Variants in PLD5 observed in about 807,000 individuals in gnomAD.
PLD5 encodes inactive phospholipase D5.
PLD5 carries 36 observed loss-of-function variants against 61.1 expected under a neutral mutation model. The observed-to-expected ratio is 0.59, with a 90% CI of 0.45 to 0.78. The LOEUF is 0.78. Among genes scored for constraint, PLD5 ranks in the 30% least tolerant of loss-of-function variants. The pLI is 0.00. For synonymous variants in PLD5, 243 were observed against 242.8 expected (o/e 1.00, Z -0.01); for missense variants, 515 against 644.4 (o/e 0.80, Z 2.17).
At chr1:242,142,477 C>T (rs1664238849) in intron 5 of PLD5, among the ~76,000 whole-genome samples, 1 of 152,162 alleles carries the variant, frequency 6.6e-6, no homozygotes, top group African/African-American at 2.4e-5. Flanking sequence ...CGTACATATT[C>T]TACAACTGCC....
chr1:242,280,998 G>C (rs1215976764), intron 3 of PLD5, among the ~76,000 whole-genome samples: 1 of 152,230 alleles, frequency 6.6e-6, no homozygotes, highest in African/African-American at 2.4e-5. Flanking sequence ...AGTAGGCTTA[G>C]AGAGCCAGGG....
At chr1:242,529,783 C>CTTCCTTCCTTCCTTCT in the PLD5 span, among the ~76,000 whole-genome samples, 7 of 73,478 alleles carry the variant, frequency 9.5e-5, no homozygotes, top group South Asian at 7.4e-4. Context: ...TGGGATCTTC[C>CTTCCTTCCTTCCTTCT]TTCCTTCCTT....
chr1:242,234,028 G>C (rs1671478545), intron 4 of PLD5, among the ~76,000 whole-genome samples: 1 of 152,104 alleles, frequency 6.6e-6, no homozygotes. Flanking sequence ...GAAAAATTAG[G>C]CAGCAAGACA....
intron 4 of PLD5, among the ~76,000 whole-genome samples, chr1:242,222,637 GT>G (rs1670671285): frequency 6.6e-6 from 1 of 152,156 alleles, no homozygotes; most frequent in Non-Finnish European, 1.5e-5. Flanking sequence ...TGTCACACAG[GT>G]CCCCTGCAGC....
chr1:242,174,106 C>T (rs1454934124), intron 5 of PLD5, among the ~76,000 whole-genome samples: 8 of 150,654 alleles, frequency 5.3e-5, no homozygotes, highest in Non-Finnish European at 8.9e-5. Context: ...TCAGAGTGAA[C>T]AGGCAACCTA....
At chr1:242,269,872 C>T (rs1673951001) in intron 3 of PLD5, among the ~76,000 whole-genome samples, 1 of 152,092 alleles carries the variant, frequency 6.6e-6, no homozygotes, top group Non-Finnish European at 1.5e-5. Flanking sequence ...CCTGCACTGC[C>T]GGTTCTCAAT....
chr1:242,480,198 T>G (rs139241863), intron 1 of PLD5, among the ~76,000 whole-genome samples: 1 of 152,340 alleles, frequency 6.6e-6, no homozygotes, highest in Non-Finnish European at 1.5e-5. Flanking sequence ...AATCCAGGAA[T>G]AGATCAATAC....
chr1:242,250,031 T>C (rs1289042127), intron 4 of PLD5, among the ~76,000 whole-genome samples: 1 of 152,236 alleles, frequency 6.6e-6, no homozygotes, highest in Non-Finnish European at 1.5e-5. Flanking sequence ...TCCCTTCATA[T>C]GAAGAAAGTT....
At position 242,345,457 on chromosome 1, in the gene PLD5, C is replaced by G. The variant is rs556503783; in HGVS notation, c.326+2649G>C. The G allele has an allele frequency of 5.0e-6, 3 of 598,198 alleles. No individual in the cohort carries two copies. In the East Asian group the frequency reaches 8.5e-5, roughly 17 times the overall value. 37.1% of individuals were successfully genotyped at this position (598,198 alleles called of 1,614,324 possible). ...TTGAAGTGCTTAAAAAATGGCAAGG[C>G]TAGAGTATTGGGAAGTAAATTCTTA... On this transcript the variant is annotated intron_variant, in intron 2 of 9. Coordinates refer to ENST00000536534, the MANE Select transcript of PLD5 (RefSeq NM_001372062.1).
chr1:242,472,300 G>A (rs1351737337), intron 1 of PLD5, among the ~76,000 whole-genome samples: 3 of 152,202 alleles, frequency 2.0e-5, no homozygotes, highest in East Asian at 1.9e-4. Context: ...GATGGTTGAT[G>A]AATAAGGAGC....
intron 5 of PLD5, among the ~76,000 whole-genome samples, chr1:242,186,866 G>C (rs142393778): frequency 0.015 from 2,324 of 152,258 alleles, 17 homozygotes; most frequent in Middle Eastern, 0.027. Context: ...TATACCTGAG[G>C]CAAATAAGCA....
intron 5 of PLD5, among the ~76,000 whole-genome samples, chr1:242,205,976 G>C (rs1168280506): frequency 1.2e-4 from 19 of 152,218 alleles, no homozygotes; most frequent in Admixed American, 1.2e-3. Flanking sequence ...AGGAAGACCT[G>C]AAAGAAATGA....
At chr1:242,183,833 C>T (rs11590841) in intron 5 of PLD5, among the ~76,000 whole-genome samples, 39,449 of 151,898 alleles carry the variant, frequency 0.26, 5,601 homozygotes, top group South Asian at 0.39. Context: ...AGGCGGAGCT[C>T]GCAGTGAGCA....
intron 2 of PLD5, among the ~76,000 whole-genome samples, chr1:242,340,011 A>T (rs1659742059): frequency 6.6e-6 from 1 of 152,224 alleles, no homozygotes; most frequent in Admixed American, 6.5e-5. Flanking sequence ...ATTCCAGAAG[A>T]AATAGATACT....
chr1:242,180,152 G>T (rs1219122895), intron 5 of PLD5, among the ~76,000 whole-genome samples: 1 of 152,104 alleles, frequency 6.6e-6, no homozygotes, highest in African/African-American at 2.4e-5. Flanking sequence ...CTGTGTCACC[G>T]ACCAGATGTA....
chr1:242,212,915 G>A (rs1574528795), intron 5 of PLD5, among the ~76,000 whole-genome samples: 1 of 152,292 alleles, frequency 6.6e-6, no homozygotes, highest in East Asian at 1.9e-4. Flanking sequence ...GCCTTTGAAG[G>A]GAGAGAAATT....
At chr1:242,491,176 C>T (rs1046521922) in intron 1 of PLD5, among the ~76,000 whole-genome samples, 2 of 152,188 alleles carry the variant, frequency 1.3e-5, no homozygotes, top group Admixed American at 6.5e-5. Context: ...ATTCTGAGTT[C>T]AGTATACTTA....
chr1:242,518,135 G>A (rs1669165404), intron 1 of PLD5, among the ~76,000 whole-genome samples: 1 of 152,192 alleles, frequency 6.6e-6, no homozygotes. Context: ...GGCACAGTCA[G>A]ACTTTCCAAT....
chr1:242,197,727 C>T (rs993475299), intron 5 of PLD5, among the ~76,000 whole-genome samples: 1 of 151,526 alleles, frequency 6.6e-6, no homozygotes, highest in African/African-American at 2.4e-5. Context: ...CTCCGCCTCT[C>T]GGGTTCAAGC....
Sources: allele counts gnomAD v4.1 joint callset (sites outside exome capture counted in the v4.1 genomes callset), GRCh38; gene constraint gnomAD v4.1.1; transcripts MANE v1.5; gene names NCBI Gene and HGNC (gene_info 2026-07-23, HGNC 2026-07-21).